The following CRTAC1 variants were observed in gnomAD, a reference collection of about 807,000 sequenced individuals.
CRTAC1 encodes the protein cartilage acidic protein 1.
In CRTAC1, 37 loss-of-function variants were observed where a neutral mutation model predicts 67.8. That is an observed-to-expected ratio of 0.55 (90% confidence interval 0.42 to 0.72). The LOEUF (loss-of-function observed/expected upper bound fraction) is 0.72, where lower values mean the gene tolerates loss of function less well. CRTAC1 is among the 30% of genes least tolerant of loss of function. The probability of loss-of-function intolerance (pLI) is 0.00; values close to 1 mark genes in which losing one functional copy is unlikely to be tolerated. For synonymous variants in CRTAC1, 348 were observed against 371.0 expected (o/e 0.94, Z 0.71); for missense variants, 780 against 931.6 (o/e 0.84, Z 2.12).
intron 2 of CRTAC1, among the ~76,000 whole-genome samples, chr10:97,976,748 C>T (rs558512187): frequency 2.0e-5 from 3 of 152,306 alleles, no homozygotes; most frequent in South Asian, 2.1e-4. Context: ...CAGAATTTAT[C>T]GCATTCTATT....
At position 97,901,510 on chromosome 10, in the gene CRTAC1, G is replaced by A; in HGVS notation, c.1126C>T (p.Leu376Phe). 6.2e-7 allele frequency: 1 copy of A among 1,614,182 alleles called. No individual in the cohort carries two copies. The highest frequency in any genetic ancestry group is 8.5e-7 in the Non-Finnish European group (1 of 1,180,010). Residue 376 changes from leucine (L) to phenylalanine (F), a missense_variant, in exon 8 of 15, where the codon CTC becomes TTC. Transcript: ENST00000370597. The stretch of plus-strand genomic sequence containing the variant: ...CCAGGATGGAGCATCTACCGGAAGA[G>A]GCGGTTGGCTGAGGAGCTGCGGTAG... The part of the protein sequence containing the change: ...IAYRSSSANR[L>F]FRVIRREHGD...
rs576703241 is a variant in CRTAC1, at chr10:97,992,689, C to T, written c.224+18449G>A. ...ATTATGCTAAGTGAAATAAACCAGG[C>T]ACAGAAAGACAAATACCACATAATC... On this transcript the variant is annotated intron_variant, in intron 2 of 14. Transcript: ENST00000370597. Among the ~76,000 whole-genome samples, 12 of 152,228 alleles carry T rather than the reference C, an allele frequency of 7.9e-5. 1 individual carries two copies. The highest frequency in any genetic ancestry group is 2.9e-4 in the African/African-American group (12 of 41,540).
chr10:97,931,875 T>C (rs909796893), intron 3 of CRTAC1, among the ~76,000 whole-genome samples: 5 of 152,154 alleles, frequency 3.3e-5, no homozygotes, highest in Admixed American at 3.3e-4. Context: ...CAGAACATCC[T>C]AGGTTCCTGG....
At chr10:97,979,081 T>G (rs560743947) in intron 2 of CRTAC1, among the ~76,000 whole-genome samples, 270 of 152,270 alleles carry the variant, frequency 1.8e-3, no homozygotes, top group Middle Eastern at 6.8e-3. Context: ...GAAAATGTTA[T>G]GATCAGAGGG....
At chr10:98,020,583 A>C (rs1332703894) in intron 1 of CRTAC1, among the ~76,000 whole-genome samples, 1 of 152,230 alleles carries the variant, frequency 6.6e-6, no homozygotes, top group African/African-American at 2.4e-5. Flanking sequence ...CTTAACCATG[A>C]GATGGGAGCA....
chr10:97,903,671 C>G (rs934760315), intron 7 of CRTAC1, among the ~76,000 whole-genome samples: 1 of 152,118 alleles, frequency 6.6e-6, no homozygotes. Context: ...TTTTGGCAGA[C>G]CTAGGTATCT....
intron 2 of CRTAC1, among the ~76,000 whole-genome samples, chr10:97,948,737 T>A (rs577526214): frequency 6.6e-6 from 1 of 152,304 alleles, no homozygotes; most frequent in African/African-American, 2.4e-5. Context: ...CATGCTGCTA[T>A]AAAGAACTGC....
At chr10:97,929,773 G>GTCAGCA (rs2050975304) in intron 3 of CRTAC1, among the ~76,000 whole-genome samples, 1 of 152,174 alleles carries the variant, frequency 6.6e-6, no homozygotes, top group Non-Finnish European at 1.5e-5. Context: ...TAACAACACC[G>GTCAGCA]TCACCATCAC....
At chr10:97,878,707 C>T (rs1022755551) in intron 14 of CRTAC1, 14 of 1,303,644 alleles carry the variant, frequency 1.1e-5, no homozygotes, top group Non-Finnish European at 1.4e-5. Flanking sequence ...TCAGAGTAAC[C>T]TGAGATGAGC....
At position 97,975,406 on chromosome 10, in the gene CRTAC1, A is replaced by T. The variant is rs112878885; in HGVS notation, c.224+35732T>A. On this transcript the variant is annotated intron_variant, in intron 2 of 14. Coordinates refer to ENST00000370597, the MANE Select transcript of CRTAC1 (RefSeq NM_018058.7). This position sits in a 1 kb window ranked among gnomAD's most constrained non-coding sequence, Gnocchi z 4.8. ...CCCTGTGCACAGAGATGCTGGCTGCATGGGGCGTGGAGGGGCGGGATGGGG... is the reference window on the plus strand; with the variant it reads ...CCCTGTGCACAGAGATGCTGGCTGCTTGGGGCGTGGAGGGGCGGGATGGGG... Among the ~76,000 whole-genome samples the T allele has an allele frequency of 1.0e-3, 152 of 152,020 alleles. No homozygotes were observed. Among genetic ancestry groups the T allele is most frequent in the African/African-American group, 3.5e-3 (145 of 41,486 alleles).
intron 2 of CRTAC1, among the ~76,000 whole-genome samples, chr10:97,950,530 C>T (rs967478850): frequency 6.6e-6 from 1 of 152,152 alleles, no homozygotes; most frequent in Admixed American, 6.5e-5. Flanking sequence ...TGTAAGCCAG[C>T]GTGGTCTGAG....
At chr10:97,886,649 C>CTTT (rs34354595) in intron 11 of CRTAC1, among the ~76,000 whole-genome samples, 6 of 141,876 alleles carry the variant, frequency 4.2e-5, no homozygotes, top group Non-Finnish European at 6.1e-5. Context: ...TTTCTTTTTT[C>CTTT]TTTTTTTTTT....
intron 2 of CRTAC1, among the ~76,000 whole-genome samples, chr10:97,996,112 C>T (rs1842562267): frequency 1.3e-5 from 2 of 151,634 alleles, no homozygotes; most frequent in Non-Finnish European, 1.5e-5. Flanking sequence ...AAACGTTAGA[C>T]CTAAAACCAT....
chr10:98,002,761 CTTTTTTTTTTTTTTTTTTTTTTTTT>C (rs531021933), intron 2 of CRTAC1, among the ~76,000 whole-genome samples: 4 of 37,268 alleles, frequency 1.1e-4, no homozygotes, highest in African/African-American at 1.6e-4. Context: ...ACAAAACTCA[CTTTTTTTTTTTTTTTTTTTTTTTTT>C]TTTTTTTTTT....
chr10:97,876,472 T>C lies in CRTAC1; in HGVS notation c.1819+3777A>G, dbSNP rs11819147. Among the ~76,000 whole-genome samples, 1,000 of 152,224 alleles carry C rather than the reference T, an allele frequency of 6.6e-3. 11 individuals are homozygous for C. The highest frequency in any genetic ancestry group is 0.023 in the African/African-American group (945 of 41,500). ...AGAATAAAAATGGTATTATTCTTAT[T>C]ATTTCTTTTTTGTTGAAAAATGGGG... On this transcript the variant is annotated intron_variant, in intron 14 of 14. Transcript: ENST00000370597.
chr10:97,919,145 G>A (rs896844726), intron 4 of CRTAC1, among the ~76,000 whole-genome samples: 4 of 152,106 alleles, frequency 2.6e-5, no homozygotes, highest in Non-Finnish European at 5.9e-5. Flanking sequence ...AGCCACATGA[G>A]TCTGTCTGAC....
At chr10:97,931,341 C>T (rs1241098470) in intron 3 of CRTAC1, among the ~76,000 whole-genome samples, 1 of 152,228 alleles carries the variant, frequency 6.6e-6, no homozygotes, top group African/African-American at 2.4e-5. Flanking sequence ...TTTCTATGAA[C>T]TCACAAATAT....
chr10:97,908,185 A>C (rs1479288894), intron 5 of CRTAC1, 38 bp from the exon 6 acceptor site: 1 of 1,611,332 alleles, frequency 6.2e-7, no homozygotes, highest in East Asian at 2.2e-5. Context: ...TGGCAGAAGC[A>C]AGCCCCAGGC....
chr10:97,977,113 A>C (rs1183129172), intron 2 of CRTAC1, among the ~76,000 whole-genome samples: 1 of 152,212 alleles, frequency 6.6e-6, no homozygotes, highest in African/African-American at 2.4e-5. Context: ...CTGCCAAATT[A>C]GTATGGGGCT....
Sources: allele counts gnomAD v4.1 joint callset (sites outside exome capture counted in the v4.1 genomes callset), GRCh38; gene constraint gnomAD v4.1.1; non-coding constraint Gnocchi (gnomAD v3.1); transcripts MANE v1.5; gene names NCBI Gene and HGNC (gene_info 2026-07-23, HGNC 2026-07-21).